Variants in SSBP2 observed in about 807,000 individuals in gnomAD.
SSBP2 encodes the protein single stranded DNA binding protein 2.
Under a neutral mutation model 61.8 loss-of-function variants are expected in SSBP2, and 17 were observed. The ratio of observed to expected loss-of-function variants is 0.28; its 90% confidence interval spans 0.19 to 0.41. The LOEUF (loss-of-function observed/expected upper bound fraction) is 0.41. SSBP2 is among the 10% of genes least tolerant of loss of function. The probability of loss-of-function intolerance (pLI) is 1.00; values close to 1 mark genes in which losing one functional copy is unlikely to be tolerated. For missense variants in SSBP2, 310 were observed against 458.7 expected (o/e 0.68, Z 2.96); for synonymous variants, 139 against 141.3 (o/e 0.98, Z 0.12).
chr5:81,459,122 C>G (rs1241676716), intron 10 of SSBP2, among the ~76,000 whole-genome samples: 1 of 152,156 alleles, frequency 6.6e-6, no homozygotes, highest in Non-Finnish European at 1.5e-5. Context: ...AGCTTTTACC[C>G]TAATTCCTTA....
chr5:81,477,769 T>C (rs899577579), intron 6 of SSBP2, among the ~76,000 whole-genome samples: 1 of 152,096 alleles, frequency 6.6e-6, no homozygotes, highest in African/African-American at 2.4e-5. Context: ...TCCGCAAAAG[T>C]AGGGACCCTA....
intron 1 of SSBP2, among the ~76,000 whole-genome samples, chr5:81,669,752 C>G (rs1019877504): frequency 6.6e-6 from 1 of 151,022 alleles, no homozygotes; most frequent in Non-Finnish European, 1.5e-5. Context: ...CAAACCTGCA[C>G]GTTCTGCACA....
chr5:81,520,189 T>C (rs929265714), intron 4 of SSBP2, among the ~76,000 whole-genome samples: 5 of 152,096 alleles, frequency 3.3e-5, no homozygotes, highest in African/African-American at 1.2e-4. Context: ...TTCACCATGT[T>C]GGCCAGGCTG....
intron 2 of SSBP2, among the ~76,000 whole-genome samples, chr5:81,648,488 C>T (rs573761647): frequency 6.6e-6 from 1 of 151,922 alleles, no homozygotes; most frequent in South Asian, 2.1e-4. Flanking sequence ...GGGTTGTGTG[C>T]GTTTGTTTAC....
Position 81,434,127 on chromosome 5 carries a change from C to T in SSBP2, c.957+3303G>A, listed in dbSNP as rs557788009. ...CTGCAACTTGTAAGTACTATAGTAG[C>T]ATCAGGCTTTCTGATTCTCAATTCA... On this transcript the variant is annotated intron_variant, in intron 15 of 16. Coordinates refer to ENST00000320672, the MANE Select transcript of SSBP2 (RefSeq NM_012446.5). 2.6e-5 allele frequency among the ~76,000 whole-genome samples: 4 copies of T among 152,264 alleles called. No homozygotes were observed. In the South Asian group the frequency reaches 8.3e-4, roughly 32 times the overall value.
At chr5:81,523,077 T>C (rs1769616720) in intron 4 of SSBP2, among the ~76,000 whole-genome samples, 1 of 151,832 alleles carries the variant, frequency 6.6e-6, no homozygotes, top group African/African-American at 2.4e-5. Context: ...CAAATGAAAA[T>C]AAGAGTGCTG....
chr5:81,503,379 G>A (rs10068144), intron 5 of SSBP2, among the ~76,000 whole-genome samples: 66,291 of 151,890 alleles, frequency 0.44, 17,893 homozygotes, highest in African/African-American at 0.77. Context: ...GCTTGAACCC[G>A]GGAGGGGGAG....
At chr5:81,731,963 T>G (rs1027511096) in intron 1 of SSBP2, among the ~76,000 whole-genome samples, 1 of 152,032 alleles carries the variant, frequency 6.6e-6, no homozygotes, top group Admixed American at 6.5e-5. Context: ...ATTGAGGCAC[T>G]GGATTTCAAG....
intron 1 of SSBP2, among the ~76,000 whole-genome samples, chr5:81,706,558 A>G (rs1754410125): frequency 6.6e-6 from 1 of 152,198 alleles, no homozygotes; most frequent in African/African-American, 2.4e-5. Context: ...ACATATACAT[A>G]TAAGGGATCT....
intron 4 of SSBP2, among the ~76,000 whole-genome samples, chr5:81,596,494 AG>A (rs1207179699): frequency 1.4e-5 from 1 of 72,702 alleles, no homozygotes; most frequent in Non-Finnish European, 2.7e-5. Flanking sequence ...ACTACTTTCA[AG>A]TTCATATGGA....
intron 1 of SSBP2, among the ~76,000 whole-genome samples, chr5:81,724,752 C>A (rs1755763023): frequency 6.6e-6 from 1 of 152,044 alleles, no homozygotes; most frequent in Non-Finnish European, 1.5e-5. Flanking sequence ...CACAAAAACA[C>A]AAACCACAAT....
intron 1 of SSBP2, among the ~76,000 whole-genome samples, chr5:81,708,527 G>A (rs1754554508): frequency 6.6e-6 from 1 of 152,006 alleles, no homozygotes; most frequent in East Asian, 1.9e-4. Flanking sequence ...TCATCTCTCA[G>A]ATTTTTTTTA....
intron 10 of SSBP2, among the ~76,000 whole-genome samples, chr5:81,451,609 T>G (rs1763777632): frequency 6.6e-6 from 1 of 152,082 alleles, no homozygotes; most frequent in African/African-American, 2.4e-5. Context: ...GTATTTTCAG[T>G]AGAGATGGGG....
intron 2 of SSBP2, among the ~76,000 whole-genome samples, chr5:81,645,580 G>T (rs1448197673): frequency 1.3e-5 from 2 of 152,192 alleles, no homozygotes; most frequent in Non-Finnish European, 2.9e-5. Flanking sequence ...CTTCAAGGAA[G>T]AGCAGCCATT....
At chr5:81,684,696 A>C (rs1481906845) in intron 1 of SSBP2, among the ~76,000 whole-genome samples, 1 of 152,110 alleles carries the variant, frequency 6.6e-6, no homozygotes, top group Non-Finnish European at 1.5e-5. Flanking sequence ...CGATGCTTGT[A>C]CCCCGACTGC....
At position 81,475,878 on chromosome 5, in the gene SSBP2, T is replaced by C. The variant is rs1265577680; in HGVS notation, c.433-1316A>G. ...GCAAGTTATATTGAACAAATAAATATGCTGATTGAATAATTGTGTGTGTAT... is the reference window on the plus strand; with the variant it reads ...GCAAGTTATATTGAACAAATAAATACGCTGATTGAATAATTGTGTGTGTAT... On this transcript the variant is annotated intron_variant, in intron 6 of 16. Coordinates refer to ENST00000320672, the MANE Select transcript of SSBP2 (RefSeq NM_012446.5). Among the ~76,000 whole-genome samples, 3 of 152,078 alleles carry C rather than the reference T, an allele frequency of 2.0e-5. No homozygotes were observed. In the East Asian group the frequency reaches 5.8e-4, roughly 29 times the overall value.
chr5:81,603,175 CTG>C (rs1243728761), intron 4 of SSBP2, among the ~76,000 whole-genome samples: 1 of 152,186 alleles, frequency 6.6e-6, no homozygotes, highest in Non-Finnish European at 1.5e-5. Flanking sequence ...ATAATAATGA[CTG>C]TCTGCAGACT....
intron 5 of SSBP2, among the ~76,000 whole-genome samples, chr5:81,490,589 T>C (rs1309924375): frequency 6.6e-6 from 1 of 152,176 alleles, no homozygotes; most frequent in Non-Finnish European, 1.5e-5. Context: ...AAATCCTACA[T>C]GTAGAATGTA....
intron 1 of SSBP2, among the ~76,000 whole-genome samples, chr5:81,744,864 G>A (rs1258620116): frequency 3.3e-5 from 5 of 152,038 alleles, no homozygotes; most frequent in South Asian, 2.1e-4. Flanking sequence ...GATGAGAGTA[G>A]TTTTGTCATT....
Sources: allele counts gnomAD v4.1 joint callset (sites outside exome capture counted in the v4.1 genomes callset), GRCh38; gene constraint gnomAD v4.1.1; transcripts MANE v1.5; gene names NCBI Gene and HGNC (gene_info 2026-07-23, HGNC 2026-07-21).